LUZP2: variants seen among roughly 807,000 people sequenced by gnomAD.
LUZP2 encodes the protein leucine zipper protein 2.
A neutral mutation model predicts 51.6 loss-of-function variants in LUZP2; 52 were observed. That is an observed-to-expected ratio of 1.01 (90% CI 0.81 to 1.27). LUZP2 has a LOEUF of 1.27. Among genes scored for constraint, LUZP2 ranks in the 50% most tolerant of loss-of-function variants. LUZP2 has a pLI of 0.00. For synonymous variants in LUZP2, 154 were observed against 137.3 expected (o/e 1.12, Z -0.85); for missense variants, 436 against 395.4 (o/e 1.10, Z -0.87).
At chr11:24,889,535 G>C (rs1403417455) in intron 5 of LUZP2, among the ~76,000 whole-genome samples, 10 of 152,152 alleles carry the variant, frequency 6.6e-5, no homozygotes. Context: ...TAAGTGAAAA[G>C]GTTAAATTGG....
chr11:24,649,976 G>GAGACACACAC (rs1554968028), intron 1 of LUZP2, among the ~76,000 whole-genome samples: 1 of 146,904 alleles, frequency 6.8e-6, no homozygotes, highest in African/African-American at 2.5e-5. Context: ...TACACACAGA[G>GAGACACACAC]ACACACACAC....
chr11:24,711,365 G>C (rs1857816019), intron 1 of LUZP2, among the ~76,000 whole-genome samples: 1 of 152,088 alleles, frequency 6.6e-6, no homozygotes. Context: ...CAGGAGAATG[G>C]CGTGAACCCG....
At chr11:24,708,101 G>A (rs1379550098) in intron 1 of LUZP2, among the ~76,000 whole-genome samples, 1 of 152,112 alleles carries the variant, frequency 6.6e-6, no homozygotes, top group African/African-American at 2.4e-5. Context: ...TGGAATGTAG[G>A]GTGGAGCAGG....
At chr11:24,756,710 G>A (rs1388574424) in intron 4 of LUZP2, among the ~76,000 whole-genome samples, 1 of 152,122 alleles carries the variant, frequency 6.6e-6, no homozygotes, top group African/African-American at 2.4e-5. Flanking sequence ...AAATGTATGG[G>A]GATTTGTTCT....
At chr11:24,755,819 A>T (rs963502636) in intron 4 of LUZP2, among the ~76,000 whole-genome samples, 1 of 152,326 alleles carries the variant, frequency 6.6e-6, no homozygotes, top group Admixed American at 6.5e-5. Flanking sequence ...CAAATAAAGA[A>T]GGAAATCAAA....
chr11:25,024,679 A>G (rs1049382568), intron 9 of LUZP2, among the ~76,000 whole-genome samples: 1 of 152,200 alleles, frequency 6.6e-6, no homozygotes, highest in Admixed American at 6.5e-5. Flanking sequence ...TTCCATGCTC[A>G]TGGATAGGAA....
At chr11:24,635,603 G>T (rs1032482451) in intron 1 of LUZP2, among the ~76,000 whole-genome samples, 2 of 152,056 alleles carry the variant, frequency 1.3e-5, no homozygotes, top group African/African-American at 4.8e-5. Flanking sequence ...ATGATAACTT[G>T]GTTAAAGATG....
At chr11:24,654,723 C>T (rs1054938277) in intron 1 of LUZP2, among the ~76,000 whole-genome samples, 5 of 145,512 alleles carry the variant, frequency 3.4e-5, no homozygotes, top group African/African-American at 1.3e-4. Flanking sequence ...CAGGGTTTCA[C>T]CATCTTGGCC....
At chr11:25,040,104 T>C (rs1857999784) in intron 9 of LUZP2, among the ~76,000 whole-genome samples, 1 of 151,978 alleles carries the variant, frequency 6.6e-6, no homozygotes, top group Admixed American at 6.6e-5. Context: ...AGACCAAAAT[T>C]AGTAAATCAT....
chr11:24,710,746 T>C (rs1197949764), intron 1 of LUZP2, among the ~76,000 whole-genome samples: 1 of 149,126 alleles, frequency 6.7e-6, no homozygotes, highest in African/African-American at 2.5e-5. Flanking sequence ...ATGTCTTCAG[T>C]GTAAATTTAT....
rs185459653 is a variant in LUZP2 at position 24,966,219 on chromosome 11, A to C, written c.523-10372A>C. 1.6e-3 allele frequency among the ~76,000 whole-genome samples: 237 copies of C among 151,664 alleles called. 1 individual carries two copies. Among genetic ancestry groups the C allele is most frequent in the Middle Eastern group, 6.8e-3 (2 of 294 alleles). Reference sequence around the variant, plus strand: ...ATTTTTAAAAAATGTGGTTGTTTGTATTTTTAATTTATTTACTACCTAAGT... The same window carrying C: ...ATTTTTAAAAAATGTGGTTGTTTGTCTTTTTAATTTATTTACTACCTAAGT... On this transcript the variant is annotated intron_variant, in intron 7 of 11. Transcript: ENST00000336930.
At chr11:24,909,486 A>C (rs1853557975) in intron 6 of LUZP2, among the ~76,000 whole-genome samples, 1 of 151,318 alleles carries the variant, frequency 6.6e-6, no homozygotes, top group South Asian at 2.1e-4. Flanking sequence ...ATATTCATCA[A>C]CATTATTTTG....
chr11:24,566,623 TAC>T (rs753647707), intron 1 of LUZP2, among the ~76,000 whole-genome samples: 8,345 of 145,144 alleles, frequency 0.057, 347 homozygotes, highest in South Asian at 0.17. Flanking sequence ...TGTATAGATA[TAC>T]ACACACACAC....
chr11:25,047,934 T>G (rs1161148367), intron 9 of LUZP2, among the ~76,000 whole-genome samples: 1 of 151,784 alleles, frequency 6.6e-6, no homozygotes, highest in Non-Finnish European at 1.5e-5. Flanking sequence ...TCTTCCAGCC[T>G]CAGCCTCCTC....
intron 1 of LUZP2, among the ~76,000 whole-genome samples, chr11:24,646,898 A>G (rs745780340): frequency 4.6e-5 from 7 of 152,208 alleles, no homozygotes; most frequent in South Asian, 4.1e-4. Flanking sequence ...ACTTGCATAC[A>G]GTAATGTTAT....
intron 7 of LUZP2, among the ~76,000 whole-genome samples, chr11:24,944,519 C>A (rs972918195): frequency 2.6e-5 from 4 of 152,024 alleles, no homozygotes; most frequent in Non-Finnish European, 5.9e-5. Flanking sequence ...GAATTGATAT[C>A]CAGTAGAGAG....
intron 8 of LUZP2, among the ~76,000 whole-genome samples, chr11:24,981,425 T>C (rs1457125463): frequency 6.6e-6 from 1 of 151,768 alleles, no homozygotes; most frequent in East Asian, 1.9e-4. Flanking sequence ...GTCACCCTCA[T>C]TGCCATCTAG....
chr11:24,983,074 T>C, intron 8 of LUZP2, 52 bp from the exon 9 acceptor site: 1 of 1,566,574 alleles, frequency 6.4e-7, no homozygotes, highest in Admixed American at 1.7e-5. Flanking sequence ...TGCAAGCAGA[T>C]AATTGATGAG....
intron 7 of LUZP2, among the ~76,000 whole-genome samples, chr11:24,922,731 A>G (rs1854096570): frequency 6.6e-6 from 1 of 151,522 alleles, no homozygotes; most frequent in Non-Finnish European, 1.5e-5. Flanking sequence ...GACAGGGAAG[A>G]CAATATTGTT....
Sources: allele counts gnomAD v4.1 joint callset (sites outside exome capture counted in the v4.1 genomes callset), GRCh38; gene constraint gnomAD v4.1.1; transcripts MANE v1.5; gene names NCBI Gene and HGNC (gene_info 2026-07-23, HGNC 2026-07-21).